The following SGCD variants were observed in gnomAD, a reference collection of about 807,000 sequenced individuals.
SGCD encodes the protein delta-sarcoglycan.
SGCD carries 18 observed loss-of-function variants against 36.6 expected under a neutral mutation model. The ratio of observed to expected loss-of-function variants is 0.49; its 90% confidence interval spans 0.34 to 0.73. The LOEUF (loss-of-function observed/expected upper bound fraction) is 0.73, where lower values mean the gene tolerates loss of function less well. SGCD is among the 30% of genes least tolerant of loss of function. The pLI is 0.01. For synonymous variants in SGCD, 133 were observed against 130.6 expected (o/e 1.02, Z -0.12); for missense variants, 387 against 346.7 (o/e 1.12, Z -0.92).
intron 7 of SGCD, among the ~76,000 whole-genome samples, chr5:156,757,245 G>A (rs1054039841): frequency 1.0e-4 from 12 of 115,736 alleles, no homozygotes; most frequent in Admixed American, 3.7e-4. Context: ...GTTTAGATCC[G>A]GGATTGACTT....
chr5:156,497,909 C>CAGTAG (rs1250282703), intron 3 of SGCD, among the ~76,000 whole-genome samples: 3 of 152,176 alleles, frequency 2.0e-5, no homozygotes, highest in Non-Finnish European at 4.4e-5. Flanking sequence ...TTATAATGCT[C>CAGTAG]CCTAGAAAAG....
intron 7 of SGCD, among the ~76,000 whole-genome samples, chr5:156,724,991 A>G (rs1755700976): frequency 6.6e-6 from 1 of 152,254 alleles, no homozygotes; most frequent in Non-Finnish European, 1.5e-5. Context: ...GGTTTCACAT[A>G]GTGCTCTGTT....
chr5:156,310,418 G>T lies in SGCD; in HGVS notation c.-43-19116G>T, dbSNP rs146507080. Among the ~76,000 whole-genome samples, 144 of 152,156 alleles carry T rather than the reference G, an allele frequency of 9.5e-4. 1 individual carries two copies. The highest frequency in any genetic ancestry group is 3.3e-3 in the African/African-American group (136 of 41,530). On this transcript the variant is annotated intron_variant, in intron 3 of 9. Transcript: ENST00000517913. ...TTTGGAAGACAGGCTCCTTTTTGCC[G>T]GTCCTGGCTCCTGAAAGCTATGTGC... is the stretch of plus-strand genomic sequence containing the variant.
At chr5:156,718,889 A>G (rs930605233) in intron 7 of SGCD, among the ~76,000 whole-genome samples, 5 of 150,862 alleles carry the variant, frequency 3.3e-5, no homozygotes, top group African/African-American at 9.8e-5. Context: ...TATATTATAT[A>G]TATATAAAGA....
At chr5:156,352,658 T>C (rs1350028931) in intron 3 of SGCD, among the ~76,000 whole-genome samples, 4 of 152,220 alleles carry the variant, frequency 2.6e-5, no homozygotes, top group Non-Finnish European at 4.4e-5. Flanking sequence ...CTTGTGATCA[T>C]GTAAGAAATG....
chr5:155,815,857 A>G, the SGCD span, among the ~76,000 whole-genome samples: 2 of 152,180 alleles, frequency 1.3e-5, no homozygotes, highest in Non-Finnish European at 2.9e-5. Flanking sequence ...AATCTAAACC[A>G]TATCAAATGT....
At chr5:156,528,935 G>C (rs1757761096) in intron 4 of SGCD, among the ~76,000 whole-genome samples, 1 of 152,150 alleles carries the variant, frequency 6.6e-6, no homozygotes, top group African/African-American at 2.4e-5. Context: ...TGTCTAGAAT[G>C]ACTAGTTGCT....
At chr5:156,192,282 A>G (rs1763910713) in intron 3 of SGCD, among the ~76,000 whole-genome samples, 1 of 152,210 alleles carries the variant, frequency 6.6e-6, no homozygotes, top group Non-Finnish European at 1.5e-5. Flanking sequence ...ATGGACACAC[A>G]CAAAATAGTA....
At chr5:155,836,451 T>C in the SGCD span, among the ~76,000 whole-genome samples, 1 of 150,254 alleles carries the variant, frequency 6.7e-6, no homozygotes, top group African/African-American at 2.5e-5. Context: ...ACCTTGGAAC[T>C]TCTCTACCTC....
At chr5:156,539,124 G>A (rs187597162) in intron 4 of SGCD, among the ~76,000 whole-genome samples, 40 of 152,058 alleles carry the variant, frequency 2.6e-4, no homozygotes, top group Admixed American at 4.6e-4. Flanking sequence ...TCTAAGGTTC[G>A]TGTATTGAGT....
chr5:156,293,893 A>G (rs1766826303), intron 3 of SGCD, among the ~76,000 whole-genome samples: 1 of 152,152 alleles, frequency 6.6e-6, no homozygotes, highest in Non-Finnish European at 1.5e-5. Context: ...TTTGATAGGG[A>G]TTGCATTAAA....
At chr5:155,883,510 G>A (rs1449043550) in intron 1 of SGCD, among the ~76,000 whole-genome samples, 2 of 152,034 alleles carry the variant, frequency 1.3e-5, no homozygotes, top group East Asian at 1.9e-4. Context: ...TCAGGGAATA[G>A]GGAGTCCCCA....
intron 3 of SGCD, among the ~76,000 whole-genome samples, chr5:156,246,117 T>A (rs151123797): frequency 1.8e-3 from 267 of 152,328 alleles, no homozygotes; most frequent in African/African-American, 6.1e-3. Flanking sequence ...TTGTCTCTAT[T>A]GTCTGTAAGA....
intron 4 of SGCD, among the ~76,000 whole-genome samples, chr5:156,511,561 G>A (rs1317204896): frequency 6.6e-6 from 1 of 152,168 alleles, no homozygotes; most frequent in Non-Finnish European, 1.5e-5. Flanking sequence ...ATTATTAGGT[G>A]TTTTCATTGA....
At chr5:156,334,906 C>T (rs1185982513) in intron 2 of SGCD, among the ~76,000 whole-genome samples, 2 of 152,056 alleles carry the variant, frequency 1.3e-5, no homozygotes, top group African/African-American at 4.8e-5. Context: ...TTCTAAATAC[C>T]TTACTTTGTA....
chr5:155,753,336 A>T, the SGCD span, among the ~76,000 whole-genome samples: 1 of 149,380 alleles, frequency 6.7e-6, no homozygotes, highest in South Asian at 2.1e-4. Context: ...ACTTTGTCTA[A>T]AAAAAAAAGA....
chr5:155,767,378 C>T, the SGCD span, among the ~76,000 whole-genome samples: 1 of 152,172 alleles, frequency 6.6e-6, no homozygotes, highest in Non-Finnish European at 1.5e-5. Flanking sequence ...CAGTGAGGCC[C>T]ATATTGGCAG....
At chr5:156,208,322 T>C (rs1764344900) in intron 3 of SGCD, among the ~76,000 whole-genome samples, 1 of 152,228 alleles carries the variant, frequency 6.6e-6, no homozygotes, top group Non-Finnish European at 1.5e-5. Flanking sequence ...ATTTTAGTTT[T>C]ATATGTTGAG....
At chr5:155,867,773 G>T (rs149611159), upstream of SGCD, among the ~76,000 whole-genome samples, 557 of 152,268 alleles carry the variant, frequency 3.7e-3, 1 homozygote, top group South Asian at 9.1e-3. Flanking sequence ...TATTCTCTAG[G>T]CTTGACATAC....
Sources: allele counts gnomAD v4.1 joint callset (sites outside exome capture counted in the v4.1 genomes callset), GRCh38; gene constraint gnomAD v4.1.1; transcripts MANE v1.5; gene names NCBI Gene and HGNC (gene_info 2026-07-23, HGNC 2026-07-21).